GTF3C3: variants seen among roughly 807,000 people sequenced by gnomAD.
GTF3C3 encodes the protein general transcription factor 3C polypeptide 3.
GTF3C3 carries 75 observed loss-of-function variants against 105.2 expected under a neutral mutation model. The ratio of observed to expected loss-of-function variants is 0.71; its 90% CI spans 0.59 to 0.86. GTF3C3 has a LOEUF of 0.86. Ranked by LOEUF, GTF3C3 falls within the 40% of genes least tolerant of loss-of-function variation. The pLI, the probability that GTF3C3 is intolerant of heterozygous loss-of-function variation, is 0.00. For missense variants in GTF3C3, 856 were observed against 1,076.5 expected (o/e 0.80, Z 2.87); for synonymous variants, 335 against 370.4 (o/e 0.90, Z 1.10).
Position 196,771,915 on chromosome 2 carries a change from T to A in GTF3C3, c.2093A>T (p.Asn698Ile). 1.2e-6 allele frequency: 2 copies of A among 1,612,592 alleles called. No homozygotes were observed. Among genetic ancestry groups the A allele is most frequent in the Non-Finnish European group, 1.7e-6 (2 of 1,178,562 alleles). The change falls in exon 15 of 18, where the codon AAT (asparagine) becomes ATT (isoleucine). Residue 698 changes from asparagine to isoleucine, a missense_variant. Coordinates refer to ENST00000263956, the MANE Select transcript of GTF3C3 (RefSeq NM_012086.5). ...GAAAATGTTCCAGAGCTGGGGTTTA[T>A]TGACATTTTCCATTACCATTATCCT... ...YIRIMVMENV[N>I]KPQLWNIFNQ...
intron 13 of GTF3C3, among the ~76,000 whole-genome samples, chr2:196,774,373 G>A (rs1364782064): frequency 1.3e-5 from 2 of 152,204 alleles, no homozygotes; most frequent in East Asian, 3.8e-4. Context: ...TAACTATGAA[G>A]AGAACAGAGC....
At chr2:196,765,756 A>G (rs1430557007) in intron 17 of GTF3C3, among the ~76,000 whole-genome samples, 6 of 152,084 alleles carry the variant, frequency 3.9e-5, no homozygotes, top group Middle Eastern at 3.4e-3. Flanking sequence ...CACGCCTGTA[A>G]TCCCAGCACT....
chr2:196,774,413 A>C (rs1019712370), intron 13 of GTF3C3, among the ~76,000 whole-genome samples: 1 of 152,250 alleles, frequency 6.6e-6, no homozygotes, highest in South Asian at 2.1e-4. Flanking sequence ...GAGAAAATGT[A>C]AAGTGAAAAG....
intron 10 of GTF3C3, among the ~76,000 whole-genome samples, chr2:196,777,423 G>GTCAA (rs995564290): frequency 2.6e-5 from 4 of 152,086 alleles, no homozygotes; most frequent in Non-Finnish European, 4.4e-5. Context: ...CACCCAATCA[G>GTCAA]TCAATCAATC....
intron 9 of GTF3C3, 86 bp downstream of exon 9, chr2:196,780,473 G>T: frequency 1.4e-6 from 2 of 1,443,548 alleles, no homozygotes; most frequent in South Asian, 1.7e-5. Context: ...TGAAACTCTA[G>T]GGTCAAGTTA....
rs1244445958 is a variant in GTF3C3 at position 196,770,744 on chromosome 2, G to GA, written c.2261-706dup. 3.3e-5 allele frequency among the ~76,000 whole-genome samples: 5 copies of GA among 152,132 alleles called. No individual in the cohort carries two copies. The East Asian group carries it at 9.6e-4, about 29-fold the overall frequency. The stretch of plus-strand genomic sequence containing the variant: ...TTCCTTCTGGCTTCTATTTTGGAAG[G>GA]AATGGCACCACAGAATCTCTTAGGC... On this transcript the variant is annotated intron_variant, in intron 15 of 17. Coordinates refer to ENST00000263956, the MANE Select transcript of GTF3C3 (RefSeq NM_012086.5).
At chr2:196,765,311 C>G (rs1245266286) in intron 17 of GTF3C3, among the ~76,000 whole-genome samples, 1 of 151,138 alleles carries the variant, frequency 6.6e-6, no homozygotes, top group East Asian at 1.9e-4. Context: ...AACTTTGGGT[C>G]AACTGAAAAA....
In GTF3C3 at chr2:196,764,638, G is replaced by A. The variant is rs1699028151; in HGVS notation, c.2586C>T (p.Asn862=). The A allele has an allele frequency of 1.2e-6, 2 of 1,611,144 alleles. No homozygotes were observed. The highest frequency in any genetic ancestry group is 2.7e-5 in the African/African-American group (2 of 74,830). ...CACTGCTCTGATAGATGAGAGACAA[G>A]TTGTAGGCAATATCTCTTCGTAAGT... ...QLDLRRDIAY[N]LSLIYQSSGN... The change falls in exon 18 of 18, where the codon AAC becomes AAT. Residue 862 remains asparagine (N), a synonymous_variant. Coordinates refer to ENST00000263956, the MANE Select transcript of GTF3C3 (RefSeq NM_012086.5).
At chr2:196,792,541 G>A (rs1342087865) in intron 3 of GTF3C3, among the ~76,000 whole-genome samples, 1 of 152,190 alleles carries the variant, frequency 6.6e-6, no homozygotes, top group African/African-American at 2.4e-5. Context: ...GTCTGTGTGT[G>A]TGTTAGATTC....
intron 2 of GTF3C3, among the ~76,000 whole-genome samples, chr2:196,796,739 G>A (rs1045813076): frequency 6.6e-6 from 1 of 152,074 alleles, no homozygotes; most frequent in Non-Finnish European, 1.5e-5. Context: ...TCATCATTCA[G>A]CTCCCACTTA....
At chr2:196,779,418 A>G (rs147538812) in intron 9 of GTF3C3, among the ~76,000 whole-genome samples, 1 of 152,164 alleles carries the variant, frequency 6.6e-6, no homozygotes. Flanking sequence ...TAACCTACAT[A>G]TCAGTTATAA....
chr2:196,779,150 T>A, intron 9 of GTF3C3, 83 bp from the exon 10 acceptor site: 1 of 1,099,640 alleles, frequency 9.1e-7, no homozygotes, highest in Non-Finnish European at 1.3e-6. Flanking sequence ...TTTTTTGAGA[T>A]GAAGTCTCTC....
In GTF3C3 at chr2:196,795,972, T is replaced by C. The variant is rs559161927; in HGVS notation, c.214+1825A>G. Among the ~76,000 whole-genome samples, 9 of 152,318 alleles carry C rather than the reference T, an allele frequency of 5.9e-5. No homozygotes were observed. The East Asian group carries it at 1.5e-3, about 26-fold the overall frequency. On this transcript the variant is annotated intron_variant, in intron 2 of 17. Coordinates refer to ENST00000263956, the MANE Select transcript of GTF3C3 (RefSeq NM_012086.5). ...TATATAAAAATTATAGTTTAATATA[T>C]CAGCAAATGAATTGAAAATGAAATT...
At position 196,776,556 on chromosome 2, in the gene GTF3C3, G is replaced by A; in HGVS notation, c.1464C>T (p.Leu488=). 6.2e-7 allele frequency: 1 copy of A among 1,614,116 alleles called. No homozygotes were observed. Among genetic ancestry groups the A allele is most frequent in the East Asian group, 2.2e-5 (1 of 44,888 alleles). Residue 488 remains leucine, a synonymous_variant, in exon 11 of 18, where the codon CTC becomes CTT. Coordinates refer to ENST00000263956, the MANE Select transcript of GTF3C3 (RefSeq NM_012086.5). The surrounding 1 kb of genome is among the most constrained non-coding windows in gnomAD (Gnocchi z 4.5). ...SYGKVVDLAP[L]HLDARISLST... ...AAAGTGAAATCCTTGCATCCAAATG[G>A]AGTGGGGCCAGATCAACCACCTTGC...
intron 3 of GTF3C3, 48 bp downstream of exon 3, chr2:196,792,908 T>A (rs1373807539): frequency 7.9e-7 from 1 of 1,262,928 alleles, no homozygotes; most frequent in East Asian, 2.3e-5. Flanking sequence ...TCAATTACTA[T>A]GTCACTTTCT....
At position 196,771,731 on chromosome 2, in the gene GTF3C3, C is replaced by T. The variant is rs756334761; in HGVS notation, c.2260+17G>A. On this transcript the variant is annotated intron_variant, in intron 15 of 17. Coordinates refer to ENST00000263956, the MANE Select transcript of GTF3C3 (RefSeq NM_012086.5). ...ACACTATTTATGCTTGACAAAGTCA[C>T]GTGCCAGGACACTTACCAAGCGCAT... is the stretch of plus-strand genomic sequence containing the variant. The T allele has an allele frequency of 2.2e-5, 35 of 1,572,796 alleles. No homozygotes were observed. The highest frequency in any genetic ancestry group is 1.3e-4 in the Admixed American group (8 of 59,944).
intron 16 of GTF3C3, among the ~76,000 whole-genome samples, chr2:196,767,258 A>G (rs1335856943): frequency 6.6e-6 from 1 of 152,220 alleles, no homozygotes; most frequent in African/African-American, 2.4e-5. Context: ...CTCAAAGACT[A>G]TGGAGAAACT....
intron 8 of GTF3C3, among the ~76,000 whole-genome samples, chr2:196,781,357 A>ATATAT (rs1553578902): frequency 2.2e-3 from 42 of 18,798 alleles, no homozygotes; most frequent in East Asian, 0.011. Context: ...AAAAAAAAAA[A>ATATAT]ATATATATAT....
At chr2:196,783,013 A>G (rs1699392597) in intron 8 of GTF3C3, among the ~76,000 whole-genome samples, 1 of 152,202 alleles carries the variant, frequency 6.6e-6, no homozygotes, top group Non-Finnish European at 1.5e-5. Context: ...GTGACTGTCA[A>G]TAGACAATAC....
Sources: allele counts gnomAD v4.1 joint callset (sites outside exome capture counted in the v4.1 genomes callset), GRCh38; gene constraint gnomAD v4.1.1; non-coding constraint Gnocchi (gnomAD v3.1); transcripts MANE v1.5; gene names NCBI Gene and HGNC (gene_info 2026-07-23, HGNC 2026-07-21).